CPEB2: variants seen among roughly 807,000 people sequenced by gnomAD.
CPEB2 encodes cytoplasmic polyadenylation element-binding protein 2.
Under a neutral mutation model 93.6 loss-of-function variants are expected in CPEB2, and 56 were observed. The observed-to-expected ratio is 0.60, with a 90% CI of 0.48 to 0.75. CPEB2 has a LOEUF of 0.75. CPEB2 is among the 30% of genes least tolerant of loss of function. The probability of loss-of-function intolerance (pLI) is 0.00; values close to 1 mark genes in which losing one functional copy is unlikely to be tolerated. For missense variants in CPEB2, 1,579 were observed against 1,395.1 expected (o/e 1.13, Z -2.10); for synonymous variants, 764 against 586.3 (o/e 1.30, Z -4.38).
intron 8 of CPEB2, among the ~76,000 whole-genome samples, chr4:15,054,603 G>T (rs1308085248): frequency 1.3e-5 from 2 of 152,076 alleles, no homozygotes; most frequent in African/African-American, 4.8e-5. Context: ...AGCTAGTTGG[G>T]TCTATTTTTT....
At chr4:15,004,790 C>T (rs1722560625) in intron 1 of CPEB2, among the ~76,000 whole-genome samples, 1 of 151,776 alleles carries the variant, frequency 6.6e-6, no homozygotes, top group African/African-American at 2.4e-5. Flanking sequence ...GCGGCGAGGA[C>T]CGGGGGCTGG....
rs1722418712 is a variant in CPEB2, at chr4:15,004,025, C to G, written c.1352C>G (p.Pro451Arg). ...PSPDSENGFYPGLPSSMNPAF... is the reference protein window; with the variant it reads ...PSPDSENGFYRGLPSSMNPAF... Reference sequence around the variant, plus strand: ...CCCGACTCAGAGAACGGCTTCTACCCCGGGCTGCCGTCGTCCATGAACCCG... The same window carrying G: ...CCCGACTCAGAGAACGGCTTCTACCGCGGGCTGCCGTCGTCCATGAACCCG... The change falls in exon 1 of 12, where the codon CCC becomes CGC. Residue 451 changes from proline to arginine, a missense_variant. Pro to Arg is a moderately radical substitution (Grantham distance 103). Coordinates refer to ENST00000538197, the MANE Select transcript of CPEB2 (RefSeq NM_001177382.2). 4 of 1,562,344 alleles carry G rather than the reference C, an allele frequency of 2.6e-6. No individual in the cohort carries two copies. The highest frequency in any genetic ancestry group is 3.5e-6 in the Non-Finnish European group (4 of 1,157,078).
intron 5 of CPEB2, 152 bp downstream of exon 5, chr4:15,033,363 G>A: frequency 1.6e-6 from 1 of 642,232 alleles, no homozygotes; most frequent in Non-Finnish European, 2.7e-6. Context: ...GGCAGAATTA[G>A]GAATCTGAGT....
intron 3 of CPEB2, among the ~76,000 whole-genome samples, chr4:15,015,839 A>G (rs1724073164): frequency 6.6e-6 from 1 of 152,054 alleles, no homozygotes; most frequent in Non-Finnish European, 1.5e-5. Flanking sequence ...TTTAATTCAT[A>G]AATTAGGCAC....
Position 15,003,494 on chromosome 4 carries a change from G to A in CPEB2, c.821G>A (p.Arg274His). 1 of 1,401,852 alleles carries A rather than the reference G, an allele frequency of 7.1e-7. No individual in the cohort carries two copies. Among genetic ancestry groups the A allele is most frequent in the South Asian group, 1.5e-5 (1 of 65,538 alleles). 86.8% of individuals were successfully genotyped at this position (1,401,852 alleles called of 1,614,324 possible). ...CCCTCGCCGCCTGCAGCCCCGCGGC[G>A]CCGCCACGGAGGCGCGGGCAGCCCT... is the stretch of plus-strand genomic sequence containing the variant. The part of the protein sequence containing the change: ...LPPSPPAAPR[R>H]RHGGAGSPRK... The change falls in exon 1 of 12, where the codon CGC (arginine) becomes CAC (histidine). Residue 274 changes from arginine to histidine, a missense_variant. Transcript: ENST00000538197.
Position 15,003,768 on chromosome 4 carries a change from A to G in CPEB2, c.1095A>G (p.Gly365=), listed in dbSNP as rs1475420766. The part of the protein sequence containing the change: ...GGGGGGPPGG[G]GGGGSASPPP... The stretch of plus-strand genomic sequence containing the variant: ...GGGGCGGGGGGCCCCCAGGAGGCGG[A>G]GGGGGAGGCGGCTCCGCGTCGCCGC... The change falls in exon 1 of 12, where the codon GGA becomes GGG. Residue 365 remains glycine, a synonymous_variant. Transcript: ENST00000538197. 3 of 835,260 alleles carry G rather than the reference A, an allele frequency of 3.6e-6. No individual in the cohort carries two copies. Among genetic ancestry groups the G allele is most frequent in the Admixed American group, 5.5e-5 (1 of 18,338 alleles). 51.7% of individuals were successfully genotyped at this position (835,260 alleles called of 1,614,324 possible).
chr4:15,015,615 T>C (rs1393846783), intron 3 of CPEB2, among the ~76,000 whole-genome samples: 1 of 152,018 alleles, frequency 6.6e-6, no homozygotes, highest in Non-Finnish European at 1.5e-5. Flanking sequence ...TCTTCAGCTT[T>C]CTAAAGAACT....
At chr4:15,005,927 T>A (rs1346573350) in intron 1 of CPEB2, among the ~76,000 whole-genome samples, 1 of 152,234 alleles carries the variant, frequency 6.6e-6, no homozygotes, top group Non-Finnish European at 1.5e-5. Context: ...TATCTGTAGG[T>A]AATTTTGTAT....
chr4:15,011,344 G>A (rs962266384), intron 3 of CPEB2, among the ~76,000 whole-genome samples: 2 of 151,884 alleles, frequency 1.3e-5, no homozygotes, highest in Non-Finnish European at 2.9e-5. Context: ...CATGTAATCC[G>A]CCCGCCTCGG....
intron 6 of CPEB2, among the ~76,000 whole-genome samples, chr4:15,051,895 G>A (rs891643942): frequency 5.9e-5 from 9 of 152,186 alleles, no homozygotes; most frequent in African/African-American, 1.7e-4. Flanking sequence ...GCACATGTGC[G>A]GAAGCTCCGT....
At chr4:15,025,705 C>T (rs1725371346) in intron 4 of CPEB2, among the ~76,000 whole-genome samples, 1 of 151,856 alleles carries the variant, frequency 6.6e-6, no homozygotes, top group African/African-American at 2.4e-5. Context: ...TAGTTGTACC[C>T]GACTTTTACA....
chr4:15,019,519 C>G lies in CPEB2; in HGVS notation c.2125+2241C>G, dbSNP rs771640665. Among the ~76,000 whole-genome samples, 6 of 152,072 alleles carry G rather than the reference C, an allele frequency of 3.9e-5. No individual in the cohort carries two copies. In the East Asian group the frequency reaches 9.7e-4, roughly 25 times the overall value. ...GAATTTGCTTTCCTTCTTTCCATTACTGTTCTTGAGGGCAGTATTTCGCCC... is the reference window on the plus strand; with the variant it reads ...GAATTTGCTTTCCTTCTTTCCATTAGTGTTCTTGAGGGCAGTATTTCGCCC... On this transcript the variant is annotated intron_variant, in intron 4 of 11. Transcript: ENST00000538197.
At chr4:15,047,573 A>G (rs1285024585) in intron 6 of CPEB2, among the ~76,000 whole-genome samples, 2 of 152,074 alleles carry the variant, frequency 1.3e-5, no homozygotes, top group Non-Finnish European at 2.9e-5. Flanking sequence ...TTTAGAAATA[A>G]TTTGGTTTTT....
In CPEB2 at chr4:15,068,854, A is replaced by G. The variant is rs2109126063; in HGVS notation, c.*2474A>G. The G allele has an allele frequency of 6.6e-6, 1 of 152,358 alleles. No individual in the cohort carries two copies. Among genetic ancestry groups the G allele is most frequent in the South Asian group, 2.1e-4 (1 of 4,828 alleles). The allele number at this position is 152,358 out of a possible 1,614,324, so 9.4% of individuals were successfully genotyped here. On this transcript the variant is annotated 3_prime_UTR_variant, in exon 12 of 12. Coordinates refer to ENST00000538197, the MANE Select transcript of CPEB2 (RefSeq NM_001177382.2). ...TTTGTTTTACCTTCATTTCTGTACAAGTAAAGCTTATTAGTCTAATGTTTT... is the reference window on the plus strand; with the variant it reads ...TTTGTTTTACCTTCATTTCTGTACAGGTAAAGCTTATTAGTCTAATGTTTT...
intron 6 of CPEB2, among the ~76,000 whole-genome samples, chr4:15,041,654 C>T (rs967090): frequency 0.027 from 4,079 of 152,208 alleles, 88 homozygotes; most frequent in South Asian, 0.14. Flanking sequence ...CTGCCCACCT[C>T]GGCCTCCCAA....
chr4:15,003,968 G>T lies in CPEB2; in HGVS notation c.1295G>T (p.Gly432Val). 7.3e-7 allele frequency: 1 copy of T among 1,374,916 alleles called. No individual in the cohort carries two copies. Among genetic ancestry groups the T allele is most frequent in the South Asian group, 1.8e-5 (1 of 56,188 alleles). 85.2% of individuals were successfully genotyped at this position (1,374,916 alleles called of 1,614,324 possible). Residue 432 changes from glycine (G) to valine (V), a missense_variant, in exon 1 of 12, where the codon GGC (glycine) becomes GTC (valine). This residue lies in a region of CPEB2 where 1,411 missense variants were observed against 1,056.0 expected (regional missense o/e 1.34). Transcript: ENST00000538197. ...GCCACCACCCCGGGCGGCGGCAGCGGCGGCTCGCTCAGCGCCATGCCGCCG... is the reference window on the plus strand; with the variant it reads ...GCCACCACCCCGGGCGGCGGCAGCGTCGGCTCGCTCAGCGCCATGCCGCCG... Reference protein sequence around the residue: ...SSATTPGGGSGGSLSAMPPPS... With the variant: ...SSATTPGGGSVGSLSAMPPPS...
At chr4:15,042,507 C>T (rs961786925) in intron 6 of CPEB2, among the ~76,000 whole-genome samples, 14 of 152,144 alleles carry the variant, frequency 9.2e-5, no homozygotes, top group East Asian at 3.8e-4. Context: ...GCTTCCATTA[C>T]GACAGAACTG....
At chr4:15,036,936 A>G (rs1726667488) in intron 5 of CPEB2, among the ~76,000 whole-genome samples, 1 of 152,192 alleles carries the variant, frequency 6.6e-6, no homozygotes, top group Admixed American at 6.6e-5. Flanking sequence ...TGGGGTAGCC[A>G]TCAGTTCTTT....
intron 3 of CPEB2, among the ~76,000 whole-genome samples, chr4:15,012,622 A>G (rs1202735348): frequency 6.6e-6 from 1 of 152,102 alleles, no homozygotes; most frequent in Admixed American, 6.5e-5. Flanking sequence ...GCTACTGAGT[A>G]TGGTGTGATA....
Sources: allele counts gnomAD v4.1 joint callset (sites outside exome capture counted in the v4.1 genomes callset), GRCh38; gene constraint gnomAD v4.1.1; regional missense constraint gnomAD v4.1.1; transcripts MANE v1.5; gene names NCBI Gene and HGNC (gene_info 2026-07-23, HGNC 2026-07-21).